The following TMEM87A variants were observed in gnomAD, a reference collection of about 807,000 sequenced individuals.
TMEM87A encodes Golgi-pH regulating cation channel.
Under a neutral mutation model 90.0 loss-of-function variants are expected in TMEM87A, and 50 were observed. That is an observed-to-expected ratio of 0.56 (90% CI 0.44 to 0.70). TMEM87A has a LOEUF of 0.70. Ranked by LOEUF, TMEM87A falls within the 30% of genes least tolerant of loss-of-function variation. The pLI is 0.00. For missense variants in TMEM87A, 577 were observed against 660.5 expected, an observed-to-expected ratio of 0.87 and a Z score of 1.39; for synonymous variants, 226 against 226.7, an observed-to-expected ratio of 1.00 and a Z score of 0.03.
At chr15:42,273,215 T>C (rs377381365) in intron 1 of TMEM87A, 40 bp downstream of exon 1, 216 of 1,610,268 alleles carry the variant, frequency 1.3e-4, no homozygotes, top group Non-Finnish European at 1.8e-4. Flanking sequence ...CCCCACCCCT[T>C]GCTCCTCTAG....
In TMEM87A at chr15:42,248,834, G is replaced by C. The variant is rs528863854; in HGVS notation, c.505-4667C>G. 2.5e-3 allele frequency among the ~76,000 whole-genome samples: 381 copies of C among 152,100 alleles called. 3 individuals carry two copies. The highest frequency in any genetic ancestry group is 7.8e-3 in the African/African-American group (323 of 41,520). ...AGGGAGGATTCCCTCTTTTTCTATT[G>C]GTTGGAATAGTTTCAGAAGGAATGG... On this transcript the variant is annotated intron_variant, in intron 6 of 19. Transcript: ENST00000389834.
chr15:42,263,681 G>C (rs559132864), intron 4 of TMEM87A, among the ~76,000 whole-genome samples: 1 of 152,330 alleles, frequency 6.6e-6, no homozygotes, highest in South Asian at 2.1e-4. Context: ...CCGGGTGATG[G>C]AGACTGCAGT....
chr15:42,226,675 GTTC>G, intron 15 of TMEM87A, 128 bp downstream of exon 15: 1 of 763,746 alleles, frequency 1.3e-6, no homozygotes. Flanking sequence ...TAGGAACCCA[GTTC>G]TTCTGATTCC....
chr15:42,267,805 G>A lies in TMEM87A; in HGVS notation c.291+142C>T, dbSNP rs116701249. Reference sequence around the variant, plus strand: ...AAACCAAAAAGTTTGAGAATTGGTGGTCTGCAAATTGGGAAGCATGCATTC... The same window carrying A: ...AAACCAAAAAGTTTGAGAATTGGTGATCTGCAAATTGGGAAGCATGCATTC... On this transcript the variant is annotated intron_variant, in intron 3 of 19. Transcript: ENST00000389834. 1,215 of 527,022 alleles carry A rather than the reference G, an allele frequency of 2.3e-3. 10 individuals are homozygous for A. The highest frequency in any genetic ancestry group is 0.023 in the African/African-American group (1,159 of 51,044). The allele number at this position is 527,022 out of a possible 1,614,324, so 32.6% of individuals were successfully genotyped here.
rs1595697805 is a variant in TMEM87A, at chr15:42,211,186, T to A, written c.*522A>T. On this transcript the variant is annotated 3_prime_UTR_variant, in exon 20 of 20. Coordinates refer to ENST00000389834, the MANE Select transcript of TMEM87A (RefSeq NM_015497.5). ...ATTGATAGAACTATGGCTCCTTAAC[T>A]CAGAAGGGCCCTTTTTTCTCAAAAC... 6.6e-6 allele frequency: 1 copy of A among 151,082 alleles called. No individual in the cohort carries two copies. The allele number at this position is 151,082 out of a possible 1,614,324, so 9.4% of individuals were successfully genotyped here.
intron 1 of TMEM87A, chr15:42,273,046 G>A: frequency 2.9e-6 from 2 of 682,592 alleles, no homozygotes; most frequent in Admixed American, 4.4e-5. Context: ...TGTTGCTGAA[G>A]TGGCCCTTAC....
At position 42,224,874 on chromosome 15, in the gene TMEM87A, G is replaced by A. The variant is rs1270764564; in HGVS notation, c.1403+1932C>T. Among the ~76,000 whole-genome samples, 3 of 152,138 alleles carry A rather than the reference G, an allele frequency of 2.0e-5. No individual in the cohort carries two copies. In the East Asian group the frequency reaches 5.8e-4, roughly 29 times the overall value. On this transcript the variant is annotated intron_variant, in intron 15 of 19. Coordinates refer to ENST00000389834, the MANE Select transcript of TMEM87A (RefSeq NM_015497.5). ...TAACACTGAAGTCACAGAGAAAGGGGGCAATGTTTTAAAAGAAAAGGGGGA... is the reference window on the plus strand; with the variant it reads ...TAACACTGAAGTCACAGAGAAAGGGAGCAATGTTTTAAAAGAAAAGGGGGA...
intron 6 of TMEM87A, among the ~76,000 whole-genome samples, chr15:42,252,125 T>C (rs2051098311): frequency 6.6e-6 from 1 of 152,066 alleles, no homozygotes; most frequent in South Asian, 2.1e-4. Flanking sequence ...AAGGCGGGAG[T>C]GTCCCAGTTT....
chr15:42,245,106 A>C (rs2050947870), intron 6 of TMEM87A, among the ~76,000 whole-genome samples: 2 of 152,158 alleles, frequency 1.3e-5, no homozygotes, highest in South Asian at 2.1e-4. Context: ...AGACTAAACA[A>C]TTCTCCAGAT....
upstream of TMEM87A, chr15:42,273,554 C>T: frequency 9.9e-6 from 13 of 1,308,124 alleles, no homozygotes; most frequent in South Asian, 1.6e-4. Flanking sequence ...CTCAGACAGT[C>T]GTCTGTGCGC....
At chr15:42,258,237 A>C (rs199996425) in intron 6 of TMEM87A, 1 of 867,122 alleles carries the variant, frequency 1.2e-6, no homozygotes, top group East Asian at 1.2e-4. Flanking sequence ...TACAAAAAAA[A>C]GTCATATAAT....
chr15:42,233,704 A>C (rs1195566947), intron 10 of TMEM87A, among the ~76,000 whole-genome samples: 2 of 152,112 alleles, frequency 1.3e-5, no homozygotes, highest in Non-Finnish European at 2.9e-5. Context: ...TATCTTTGAT[A>C]TATTTCAGTA....
chr15:42,257,423 C>G (rs2051204940), intron 6 of TMEM87A, among the ~76,000 whole-genome samples: 1 of 152,110 alleles, frequency 6.6e-6, no homozygotes, highest in Admixed American at 6.5e-5. Flanking sequence ...TGAGTAGAAA[C>G]AGCCTGAAGC....
At chr15:42,245,520 C>CTTTTTTTTTT (rs550453415) in intron 6 of TMEM87A, among the ~76,000 whole-genome samples, 1 of 118,430 alleles carries the variant, frequency 8.4e-6, no homozygotes, top group Non-Finnish European at 1.7e-5. Flanking sequence ...ACATTTATTA[C>CTTTTTTTTTT]TTTTTTTTTT....
At chr15:42,257,827 G>GGTAA in intron 6 of TMEM87A, 3 of 753,178 alleles carry the variant, frequency 4.0e-6, no homozygotes, top group Non-Finnish European at 4.9e-6. Flanking sequence ...AGTATTCAAT[G>GGTAA]TACCAATTTG....
At chr15:42,236,248 G>A (rs1170870514) in intron 10 of TMEM87A, 72 bp downstream of exon 10, 2 of 1,228,850 alleles carry the variant, frequency 1.6e-6, no homozygotes, top group Admixed American at 1.7e-5. Context: ...CTACTACATT[G>A]GGAACATGCA....
chr15:42,215,268 G>A (rs2050362203), intron 19 of TMEM87A, among the ~76,000 whole-genome samples: 1 of 152,172 alleles, frequency 6.6e-6, no homozygotes, highest in Non-Finnish European at 1.5e-5. Flanking sequence ...GGGAGGCTGA[G>A]GTGGGTGGAT....
chr15:42,255,558 G>A (rs545621865), intron 6 of TMEM87A, among the ~76,000 whole-genome samples: 7 of 152,078 alleles, frequency 4.6e-5, no homozygotes, highest in Non-Finnish European at 8.8e-5. Context: ...CCACTGCACT[G>A]CCCTCTCTGT....
At chr15:42,249,849 A>C (rs1034855833) in intron 6 of TMEM87A, among the ~76,000 whole-genome samples, 3 of 152,044 alleles carry the variant, frequency 2.0e-5, no homozygotes, top group African/African-American at 7.2e-5. Flanking sequence ...TGTCTCATTG[A>C]TCTAATATTG....
Sources: gnomAD v4.1 joint callset for allele counts (sites outside exome capture counted in the v4.1 genomes callset) on GRCh38, gnomAD v4.1.1 for gene constraint, MANE v1.5 for transcripts, NCBI Gene and HGNC (gene_info 2026-07-23, HGNC 2026-07-21) for gene names.